The following RGS7 variants were observed in gnomAD, a reference collection of about 807,000 sequenced individuals.
The protein encoded by RGS7 is regulator of G-protein signaling 7.
In RGS7, 27 loss-of-function variants were observed where a neutral mutation model predicts 81.1. The observed-to-expected ratio is 0.33, with a 90% CI of 0.25 to 0.46. The LOEUF (loss-of-function observed/expected upper bound fraction) is 0.46, where lower values mean the gene tolerates loss of function less well. RGS7 is among the 20% of genes least tolerant of loss of function. The pLI is 1.00. For synonymous variants in RGS7, 208 were observed against 207.7 expected, an observed-to-expected ratio of 1.00 and a Z score of -0.01; for missense variants, 396 against 607.4, an observed-to-expected ratio of 0.65 and a Z score of 3.66.
At position 240,962,697 on chromosome 1, in the gene RGS7, G is replaced by A. The variant is rs1029488900; in HGVS notation, c.226+20382C>T. Reference sequence around the variant, plus strand: ...TCTTGGGAGCTCAGGGAGATTTCCTGGAGGAGTTGATATTTAATTCAAGTT... The same window carrying A: ...TCTTGGGAGCTCAGGGAGATTTCCTAGAGGAGTTGATATTTAATTCAAGTT... On this transcript the variant is annotated intron_variant, in intron 4 of 18. Transcript: ENST00000440928. Among the ~76,000 whole-genome samples, 42 of 152,112 alleles carry A rather than the reference G, an allele frequency of 2.8e-4. 1 individual carries two copies. The highest frequency in any genetic ancestry group is 5.7e-4 in the Non-Finnish European group (39 of 68,030).
chr1:241,268,183 C>G (rs1205293618), intron 2 of RGS7, among the ~76,000 whole-genome samples: 1 of 152,174 alleles, frequency 6.6e-6, no homozygotes, highest in Non-Finnish European at 1.5e-5. Flanking sequence ...AAGAACTGCC[C>G]AAGCCCACCT....
intron 2 of RGS7, among the ~76,000 whole-genome samples, chr1:241,314,707 C>A (rs2080760449): frequency 6.6e-6 from 1 of 152,076 alleles, no homozygotes; most frequent in African/African-American, 2.4e-5. Flanking sequence ...CCCTTTCTTG[C>A]AGGGGATTTG....
At chr1:241,313,916 A>C (rs1429327858) in intron 2 of RGS7, among the ~76,000 whole-genome samples, 1 of 152,176 alleles carries the variant, frequency 6.6e-6, no homozygotes, top group Non-Finnish European at 1.5e-5. Flanking sequence ...ATGTGGTAGA[A>C]ATAGCAAGAG....
chr1:240,956,265 G>A (rs1310853578), intron 4 of RGS7, among the ~76,000 whole-genome samples: 1 of 151,298 alleles, frequency 6.6e-6, no homozygotes, highest in Non-Finnish European at 1.5e-5. Context: ...AGAGAAGCAG[G>A]AGCCAACTCC....
chr1:241,356,855 C>T (rs904408139), intron 1 of RGS7, 44 bp downstream of exon 1: 16 of 151,244 alleles, frequency 1.1e-4, no homozygotes, highest in Non-Finnish European at 1.6e-4. Flanking sequence ...GCCGGGAGGG[C>T]TCTGGGTGGC....
At chr1:240,785,436 T>C (rs981459571) in intron 18 of RGS7, among the ~76,000 whole-genome samples, 3 of 152,250 alleles carry the variant, frequency 2.0e-5, no homozygotes, top group African/African-American at 7.2e-5. Context: ...ATTAGCACTT[T>C]TATATGCCTT....
At chr1:241,242,497 G>C (rs909843710) in intron 2 of RGS7, among the ~76,000 whole-genome samples, 1 of 152,180 alleles carries the variant, frequency 6.6e-6, no homozygotes, top group African/African-American at 2.4e-5. Context: ...ATAAGCAGTA[G>C]TAGGATTGCT....
chr1:241,335,702 C>T (rs1024984986), intron 2 of RGS7, among the ~76,000 whole-genome samples: 2 of 152,116 alleles, frequency 1.3e-5, no homozygotes, highest in African/African-American at 2.4e-5. Flanking sequence ...CACACACACA[C>T]ACACACGCAG....
chr1:241,026,520 C>T (rs2059792590), intron 3 of RGS7, among the ~76,000 whole-genome samples: 2 of 151,642 alleles, frequency 1.3e-5, no homozygotes, highest in South Asian at 2.1e-4. Context: ...ACCTGGGAGG[C>T]GGACGTTGCA....
At chr1:241,068,275 TA>T (rs2062215149) in intron 3 of RGS7, among the ~76,000 whole-genome samples, 1 of 139,404 alleles carries the variant, frequency 7.2e-6, no homozygotes, top group East Asian at 2.2e-4. Flanking sequence ...TGTGTATATA[TA>T]ATATTACGTG....
chr1:240,908,407 G>A (rs1671200687), intron 6 of RGS7, among the ~76,000 whole-genome samples: 1 of 152,074 alleles, frequency 6.6e-6, no homozygotes, highest in African/African-American at 2.4e-5. Context: ...ACTTCCTGAA[G>A]TTACTAAGCC....
intron 9 of RGS7, among the ~76,000 whole-genome samples, chr1:240,862,358 G>A (rs1662371197): frequency 6.6e-6 from 1 of 152,114 alleles, no homozygotes; most frequent in Non-Finnish European, 1.5e-5. Context: ...TTGACTTTAA[G>A]TATATTTTAA....
intron 6 of RGS7, among the ~76,000 whole-genome samples, chr1:240,900,736 G>T (rs1252469960): frequency 1.3e-5 from 2 of 152,170 alleles, no homozygotes; most frequent in Non-Finnish European, 2.9e-5. Context: ...GGCTACTCGG[G>T]GGTCAGGGAC....
intron 2 of RGS7, among the ~76,000 whole-genome samples, chr1:241,229,622 T>C (rs527709998): frequency 8.5e-5 from 13 of 152,316 alleles, no homozygotes; most frequent in African/African-American, 2.9e-4. Flanking sequence ...TAATAAAATA[T>C]TGAAAGAGCT....
intron 6 of RGS7, among the ~76,000 whole-genome samples, chr1:240,894,450 C>T (rs1433723398): frequency 1.3e-5 from 2 of 152,028 alleles, no homozygotes; most frequent in Non-Finnish European, 2.9e-5. Context: ...ACATCCTTTA[C>T]TCTATGTGTT....
At chr1:240,848,217 T>A (rs1659448652) in intron 9 of RGS7, among the ~76,000 whole-genome samples, 2 of 152,132 alleles carry the variant, frequency 1.3e-5, no homozygotes, top group African/African-American at 4.8e-5. Flanking sequence ...CTAGTAAGCT[T>A]ATGATTAAAG....
intron 3 of RGS7, among the ~76,000 whole-genome samples, chr1:241,026,466 G>C (rs1207119509): frequency 6.6e-6 from 1 of 152,012 alleles, no homozygotes; most frequent in East Asian, 1.9e-4. Context: ...GCACATGCCT[G>C]TAATTCCAGC....
At chr1:241,168,077 G>A (rs2070409615) in intron 2 of RGS7, among the ~76,000 whole-genome samples, 1 of 152,220 alleles carries the variant, frequency 6.6e-6, no homozygotes, top group South Asian at 2.1e-4. Flanking sequence ...GCCACTAAAA[G>A]TAGCTTAAAT....
intron 3 of RGS7, among the ~76,000 whole-genome samples, chr1:241,097,036 A>G (rs1057127965): frequency 6.6e-6 from 1 of 152,056 alleles, no homozygotes; most frequent in Non-Finnish European, 1.5e-5. Context: ...CCTTGACCAA[A>G]TGGAGCTTAA....
Sources: allele counts gnomAD v4.1 joint callset (sites outside exome capture counted in the v4.1 genomes callset), GRCh38; gene constraint gnomAD v4.1.1; transcripts MANE v1.5; gene names NCBI Gene and HGNC (gene_info 2026-07-23, HGNC 2026-07-21).